NREP: variants seen among roughly 807,000 people sequenced by gnomAD.
The protein encoded by NREP is neuronal regeneration related protein.
Under a neutral mutation model 8.6 loss-of-function variants are expected in NREP, and 5 were observed. That is an observed-to-expected ratio of 0.58 (90% CI 0.30 to 1.22). NREP has a LOEUF of 1.22. Among genes scored for constraint, NREP ranks in the 50% most tolerant of loss-of-function variants. The pLI, the probability that NREP is intolerant of heterozygous loss-of-function variation, is 0.07. For missense variants in NREP, 86 were observed against 82.5 expected, an observed-to-expected ratio of 1.04 and a Z score of -0.17; for synonymous variants, 27 against 28.0, an observed-to-expected ratio of 0.96 and a Z score of 0.11.
intron 1 of NREP, among the ~76,000 whole-genome samples, chr5:111,756,865 C>G (rs529664521): frequency 2.0e-4 from 31 of 152,328 alleles, no homozygotes; most frequent in African/African-American, 7.2e-4. Context: ...ACCACACCAA[C>G]AAGCACAAAA....
At chr5:111,735,269 A>G (rs1252411372) in intron 3 of NREP, 161 bp downstream of exon 3, 1 of 502,628 alleles carries the variant, frequency 2.0e-6, no homozygotes, top group Non-Finnish European at 3.5e-6. Flanking sequence ...ACTTTAGGAT[A>G]TTTTTTAAAA....
chr5:111,956,918 T>A (rs752994442), intron 2 of NREP, among the ~76,000 whole-genome samples: 15 of 151,744 alleles, frequency 9.9e-5, no homozygotes, highest in South Asian at 2.1e-4. Context: ...GAGCAGAGAT[T>A]GCACCACTGC....
intron 2 of NREP, among the ~76,000 whole-genome samples, chr5:111,933,814 A>G (rs1581231179): frequency 6.6e-6 from 1 of 152,146 alleles, no homozygotes; most frequent in African/African-American, 2.4e-5. Flanking sequence ...GCATTTATAA[A>G]GAGAACCCAC....
chr5:111,831,130 C>T (rs1752757497), intron 2 of NREP, among the ~76,000 whole-genome samples: 1 of 152,174 alleles, frequency 6.6e-6, no homozygotes, highest in African/African-American at 2.4e-5. Context: ...CTATTGGAGT[C>T]TCTGGCAAAG....
At chr5:111,889,956 T>C (rs1002745974) in intron 2 of NREP, among the ~76,000 whole-genome samples, 2 of 152,146 alleles carry the variant, frequency 1.3e-5, no homozygotes, top group South Asian at 4.2e-4. Flanking sequence ...ACAAGGTCAA[T>C]TGATCAGTTA....
chr5:111,759,269 A>T (rs1750902439), upstream of NREP, among the ~76,000 whole-genome samples: 1 of 152,186 alleles, frequency 6.6e-6, no homozygotes, highest in Non-Finnish European at 1.5e-5. Flanking sequence ...AGACTACCAA[A>T]AATCTATCCC....
chr5:111,822,203 C>G (rs1371965879), intron 2 of NREP, among the ~76,000 whole-genome samples: 1 of 152,078 alleles, frequency 6.6e-6, no homozygotes, highest in African/African-American at 2.4e-5. Context: ...GGAAAGTTAT[C>G]AAAGCAGTGA....
chr5:111,919,589 G>A (rs545753181), intron 2 of NREP, among the ~76,000 whole-genome samples: 2 of 152,118 alleles, frequency 1.3e-5, no homozygotes, highest in South Asian at 2.1e-4. Flanking sequence ...GGATGAAGCT[G>A]GAAACCATAA....
chr5:111,941,760 C>A (rs1453184397), intron 2 of NREP, among the ~76,000 whole-genome samples: 1 of 152,044 alleles, frequency 6.6e-6, no homozygotes, highest in South Asian at 2.1e-4. Context: ...TGGACCAGAG[C>A]ATGCCATATC....
chr5:111,837,834 A>T (rs1752931509), intron 2 of NREP, among the ~76,000 whole-genome samples: 2 of 152,050 alleles, frequency 1.3e-5, no homozygotes, highest in African/African-American at 4.8e-5. Flanking sequence ...AAGAGGAAAA[A>T]CATAATTTTT....
intron 2 of NREP, among the ~76,000 whole-genome samples, chr5:111,910,701 A>T (rs1164764903): frequency 6.6e-6 from 1 of 152,028 alleles, no homozygotes; most frequent in African/African-American, 2.4e-5. Context: ...GAACAAACTC[A>T]AAGCTCCCCC....
At chr5:111,914,205 C>T (rs2112567519) in intron 2 of NREP, among the ~76,000 whole-genome samples, 1 of 152,198 alleles carries the variant, frequency 6.6e-6, no homozygotes, top group South Asian at 2.1e-4. Context: ...CAAAGAGACT[C>T]CTCCCTGTCC....
chr5:111,945,920 A>T (rs1346132533), intron 2 of NREP, among the ~76,000 whole-genome samples: 2 of 152,010 alleles, frequency 1.3e-5, no homozygotes, highest in Non-Finnish European at 2.9e-5. Flanking sequence ...TCTTGTGCCC[A>T]ACCCTAACCA....
At chr5:111,748,068 C>T (rs1750121067) in intron 2 of NREP, among the ~76,000 whole-genome samples, 1 of 152,128 alleles carries the variant, frequency 6.6e-6, no homozygotes, top group Non-Finnish European at 1.5e-5. Flanking sequence ...GCCCCACAGC[C>T]AGTGTTGTGG....
chr5:111,975,123 G>T, intron 2 of NREP: 1 of 625,004 alleles, frequency 1.6e-6, no homozygotes, highest in Non-Finnish European at 2.9e-6. Flanking sequence ...TTAGGAAATA[G>T]GCTGAAAAGC....
intron 2 of NREP, among the ~76,000 whole-genome samples, chr5:111,857,042 A>C (rs1005003340): frequency 2.6e-5 from 4 of 152,182 alleles, no homozygotes; most frequent in Non-Finnish European, 4.4e-5. Context: ...TGTTTATAGA[A>C]ACATGCTAAA....
At chr5:111,763,017 G>A (rs1035727845) in intron 2 of NREP, among the ~76,000 whole-genome samples, 5 of 152,160 alleles carry the variant, frequency 3.3e-5, no homozygotes, top group African/African-American at 4.8e-5. Context: ...TTCACGGCTC[G>A]TTTTTCTCAG....
chr5:111,734,059 C>A (rs968189195), intron 3 of NREP: 10 of 152,210 alleles, frequency 6.6e-5, no homozygotes, highest in Non-Finnish European at 1.3e-4. Context: ...ACGGTGCCCA[C>A]CCCTGGGAGC....
chr5:111,766,815 G>T (rs567728685), intron 2 of NREP, among the ~76,000 whole-genome samples: 1 of 152,284 alleles, frequency 6.6e-6, no homozygotes, highest in African/African-American at 2.4e-5. Context: ...AGAAAGGGTG[G>T]GTGAGTGAAT....
Sources: gnomAD v4.1 joint callset for allele counts (sites outside exome capture counted in the v4.1 genomes callset) on GRCh38, gnomAD v4.1.1 for gene constraint, MANE v1.5 for transcripts, NCBI Gene and HGNC (gene_info 2026-07-23, HGNC 2026-07-21) for gene names.